The following MBOAT1 variants were observed in gnomAD, a reference collection of about 807,000 sequenced individuals.
MBOAT1 encodes the protein membrane bound glycerophospholipid O-acyltransferase 1, also known as membrane-bound glycerophospholipid O-acyltransferase 1.
Under a neutral mutation model 64.4 loss-of-function variants are expected in MBOAT1, and 67 were observed. That is an observed-to-expected ratio of 1.04 (90% confidence interval 0.85 to 1.27). MBOAT1 has a LOEUF of 1.27. MBOAT1 is among the 50% of genes most tolerant of loss of function. The pLI is 0.00. For synonymous variants in MBOAT1, 229 were observed against 218.9 expected, an observed-to-expected ratio of 1.05 and a Z score of -0.41; for missense variants, 563 against 604.6, an observed-to-expected ratio of 0.93 and a Z score of 0.72.
intron 1 of MBOAT1, among the ~76,000 whole-genome samples, chr6:20,187,936 G>C (rs537521592): frequency 2.4e-4 from 37 of 152,290 alleles, no homozygotes; most frequent in African/African-American, 8.4e-4. Context: ...AGGCTGCAGT[G>C]AGCCAAGATT....
intron 9 of MBOAT1, among the ~76,000 whole-genome samples, chr6:20,115,991 A>G (rs893655687): frequency 3.9e-5 from 3 of 76,098 alleles, no homozygotes; most frequent in African/African-American, 1.2e-4. Flanking sequence ...GGGTTTTCTC[A>G]TTAGAAAAAA....
chr6:20,115,324 T>C lies in MBOAT1; in HGVS notation c.1040A>G (p.Glu347Gly). The change falls in exon 10 of 13, where the codon GAA becomes GGA. Residue 347 changes from glutamate to glycine, a missense_variant. Glu to Gly is a moderately conservative substitution (Grantham distance 98). Coordinates refer to ENST00000324607, the MANE Select transcript of MBOAT1 (RefSeq NM_001080480.3). ...AGTAGCTGTCTGAATATTCCAGTTT[T>C]CCAAGTACATTTTGAAACTTGTGGC... is the stretch of plus-strand genomic sequence containing the variant. ...ETATSFKMYL[E>G]NWNIQTATWL... 2 of 1,614,126 alleles carry C rather than the reference T, an allele frequency of 1.2e-6. No individual in the cohort carries two copies. The highest frequency in any genetic ancestry group is 1.7e-6 in the Non-Finnish European group (2 of 1,179,962).
intron 1 of MBOAT1, among the ~76,000 whole-genome samples, chr6:20,166,978 A>G (rs1162239938): frequency 6.6e-6 from 1 of 152,076 alleles, no homozygotes; most frequent in African/African-American, 2.4e-5. Context: ...AGAAAAGGGA[A>G]AAGGAAAAAG....
At chr6:20,127,407 A>G (rs934629932) in intron 6 of MBOAT1, among the ~76,000 whole-genome samples, 5 of 152,202 alleles carry the variant, frequency 3.3e-5, no homozygotes, top group African/African-American at 1.2e-4. Context: ...CCTGGGGCTC[A>G]GACTGGTATT....
intron 1 of MBOAT1, among the ~76,000 whole-genome samples, chr6:20,181,390 T>G (rs975281851): frequency 6.6e-6 from 1 of 152,202 alleles, no homozygotes; most frequent in Non-Finnish European, 1.5e-5. Context: ...TAGTACCATC[T>G]CCCTTCTGCC....
At chr6:20,194,341 G>A (rs1324931403) in intron 1 of MBOAT1, among the ~76,000 whole-genome samples, 1 of 152,098 alleles carries the variant, frequency 6.6e-6, no homozygotes, top group East Asian at 1.9e-4. Context: ...CTAATTCCAG[G>A]ATTCCATCCA....
At chr6:20,184,121 G>A (rs75794767) in intron 1 of MBOAT1, among the ~76,000 whole-genome samples, 4,598 of 152,226 alleles carry the variant, frequency 0.03, 219 homozygotes, top group African/African-American at 0.1. Context: ...TTACTCTTCC[G>A]TTTAAATTTA....
chr6:20,106,880 T>TA (rs869060304), intron 12 of MBOAT1, among the ~76,000 whole-genome samples: 1 of 152,146 alleles, frequency 6.6e-6, no homozygotes, highest in Admixed American at 6.5e-5. Flanking sequence ...AAGGTGTTTT[T>TA]AAAAAAATAT....
At chr6:20,186,175 T>TATCA (rs1427524550) in intron 1 of MBOAT1, among the ~76,000 whole-genome samples, 1 of 152,156 alleles carries the variant, frequency 6.6e-6, no homozygotes, top group South Asian at 2.1e-4. Context: ...AGTGAGACTG[T>TATCA]ATCAATCAAT....
chr6:20,145,509 T>C (rs1189781550), intron 3 of MBOAT1, among the ~76,000 whole-genome samples: 1 of 152,238 alleles, frequency 6.6e-6, no homozygotes, highest in Non-Finnish European at 1.5e-5. Flanking sequence ...CATATTCACC[T>C]ACTGTGTGTC....
intron 1 of MBOAT1, among the ~76,000 whole-genome samples, chr6:20,210,899 A>C (rs1274831813): frequency 6.6e-6 from 1 of 152,072 alleles, no homozygotes; most frequent in Admixed American, 6.6e-5. Flanking sequence ...GTTTTATTTA[A>C]TTTCAGAACT....
intron 1 of MBOAT1, among the ~76,000 whole-genome samples, chr6:20,180,486 T>G (rs1243702456): frequency 6.6e-6 from 1 of 152,148 alleles, no homozygotes; most frequent in Non-Finnish European, 1.5e-5. Flanking sequence ...TGGGGACTCT[T>G]GGGCCCCTCG....
intron 12 of MBOAT1, 40 bp downstream of exon 12, chr6:20,109,558 G>A (rs1440115435): frequency 1.3e-6 from 2 of 1,594,196 alleles, no homozygotes; most frequent in Middle Eastern, 1.7e-4. Flanking sequence ...TGAAAATAGA[G>A]TCATTTACGA....
chr6:20,146,799 A>T (rs376065502), intron 3 of MBOAT1, among the ~76,000 whole-genome samples: 1 of 152,186 alleles, frequency 6.6e-6, no homozygotes, highest in Non-Finnish European at 1.5e-5. Flanking sequence ...CTGAGTCCCA[A>T]TACAACAGGG....
chr6:20,169,962 A>G (rs1762142619), intron 1 of MBOAT1, among the ~76,000 whole-genome samples: 1 of 152,178 alleles, frequency 6.6e-6, no homozygotes. Flanking sequence ...GCCAATGAAC[A>G]ACACCCAGTC....
At chr6:20,109,812 C>G (rs77627773) in intron 11 of MBOAT1, 63 bp from the exon 12 acceptor site, 155,565 of 1,546,472 alleles carry the variant, frequency 0.1, 9,037 homozygotes, top group East Asian at 0.24. Context: ...AACTTTTACT[C>G]TGTGCATGCA....
intron 8 of MBOAT1, among the ~76,000 whole-genome samples, chr6:20,122,638 T>C (rs1380557778): frequency 6.6e-6 from 1 of 152,070 alleles, no homozygotes; most frequent in African/African-American, 2.4e-5. Context: ...TTAAAAATAA[T>C]TTGGACTGGG....
intron 11 of MBOAT1, among the ~76,000 whole-genome samples, chr6:20,112,004 C>G (rs891583716): frequency 1.1e-4 from 16 of 149,858 alleles, no homozygotes; most frequent in Non-Finnish European, 4.4e-5. Context: ...CAGTAGGGCT[C>G]CTGAAATCTT....
At chr6:20,130,179 C>G (rs939183978) in intron 5 of MBOAT1, among the ~76,000 whole-genome samples, 6 of 152,154 alleles carry the variant, frequency 3.9e-5, no homozygotes, top group African/African-American at 1.4e-4. Context: ...TGCACCTGGC[C>G]TCTCCAAAGC....
Sources: gnomAD v4.1 joint callset for allele counts (sites outside exome capture counted in the v4.1 genomes callset) on GRCh38, gnomAD v4.1.1 for gene constraint, MANE v1.5 for transcripts, NCBI Gene and HGNC (gene_info 2026-07-23, HGNC 2026-07-21) for gene names.